The following DCC variants were observed in gnomAD, a reference collection of about 807,000 sequenced individuals.
DCC encodes the protein netrin receptor DCC.
Under a neutral mutation model 172.5 loss-of-function variants are expected in DCC, and 58 were observed. The observed-to-expected ratio is 0.34, with a 90% confidence interval of 0.27 to 0.42. The LOEUF is 0.42. Ranked by LOEUF, DCC falls within the 10% of genes least tolerant of loss-of-function variation. DCC has a pLI of 1.00. For synonymous variants in DCC, 709 were observed against 644.5 expected (o/e 1.10, Z -1.52); for missense variants, 1,740 against 1,791.0 (o/e 0.97, Z 0.51).
intron 8 of DCC, among the ~76,000 whole-genome samples, chr18:53,175,549 C>G (rs1256486431): frequency 6.7e-6 from 1 of 148,430 alleles, no homozygotes; most frequent in Non-Finnish European, 1.5e-5. Flanking sequence ...AAACAGAGAG[C>G]CAAATCATGA....
At chr18:53,352,547 G>A (rs2057824118) in intron 15 of DCC, among the ~76,000 whole-genome samples, 1 of 151,962 alleles carries the variant, frequency 6.6e-6, no homozygotes, top group Non-Finnish European at 1.5e-5. Flanking sequence ...GCTTTTGTTA[G>A]CATTATACAT....
At chr18:52,701,299 C>A (rs932208236) in intron 1 of DCC, among the ~76,000 whole-genome samples, 2 of 152,092 alleles carry the variant, frequency 1.3e-5, no homozygotes, top group Non-Finnish European at 2.9e-5. Flanking sequence ...TGAACGATAG[C>A]AATAACTTCT....
chr18:53,180,711 T>C (rs900718278), intron 9 of DCC, among the ~76,000 whole-genome samples: 1 of 152,220 alleles, frequency 6.6e-6, no homozygotes, highest in Non-Finnish European at 1.5e-5. Flanking sequence ...TTGCCCAGAC[T>C]GGAGTGCAGT....
chr18:53,317,427 C>A (rs769355413), intron 13 of DCC, among the ~76,000 whole-genome samples: 6 of 152,008 alleles, frequency 3.9e-5, no homozygotes, highest in Non-Finnish European at 8.8e-5. Context: ...TCAGGGATAT[C>A]GGCTTGAAAT....
At position 53,255,204 on chromosome 18, in the gene DCC, T is replaced by A. The variant is rs188152297; in HGVS notation, c.1911+39607T>A. On this transcript the variant is annotated intron_variant, in intron 12 of 28. Transcript: ENST00000442544. ...CACTTGTCTTGGATATGTGGGGAGG[T>A]TTTTTGTTTTTTTTTCTATTATTAT... Among the ~76,000 whole-genome samples, 264 of 151,264 alleles carry A rather than the reference T, an allele frequency of 1.7e-3. 1 individual carries two copies. Among genetic ancestry groups the A allele is most frequent in the African/African-American group, 6.2e-3 (254 of 41,192 alleles).
chr18:53,296,343 TC>T (rs1224017082), intron 12 of DCC, among the ~76,000 whole-genome samples: 1 of 152,160 alleles, frequency 6.6e-6, no homozygotes, highest in East Asian at 1.9e-4. Context: ...TTAAAGTAGT[TC>T]TGATTTACTA....
chr18:52,666,445 G>C (rs1177048570), intron 1 of DCC, among the ~76,000 whole-genome samples: 1 of 152,114 alleles, frequency 6.6e-6, no homozygotes, highest in Non-Finnish European at 1.5e-5. Flanking sequence ...ACAAATAGCA[G>C]TACTAGAATT....
intron 25 of DCC, among the ~76,000 whole-genome samples, chr18:53,479,918 T>A (rs756607273): frequency 4.6e-5 from 7 of 152,192 alleles, no homozygotes; most frequent in African/African-American, 7.2e-5. Flanking sequence ...AACTTATGAA[T>A]GACTAAGGCA....
In DCC at chr18:52,583,833, TA is replaced by T. The variant is rs553400010; in HGVS notation, c.92-168218del. On this transcript the variant is annotated intron_variant, in intron 1 of 28. Transcript: ENST00000442544. Reference sequence around the variant, plus strand: ...ATGTTTTTAATTTGACAAGGGCCTCTAAATATAACTCACTTTATATAGCAAT... The same window carrying T: ...ATGTTTTTAATTTGACAAGGGCCTCTAATATAACTCACTTTATATAGCAAT... 2.7e-3 allele frequency among the ~76,000 whole-genome samples: 412 copies of T among 152,342 alleles called. 2 individuals carry two copies. Among genetic ancestry groups the T allele is most frequent in the Non-Finnish European group, 4.5e-3 (303 of 68,014 alleles).
In DCC at chr18:53,116,064, A is replaced by G. The variant is rs200746946; in HGVS notation, c.1262-41292A>G. ...ATGGGTTGAACGATCGTGACACACAATGTTACATTTTGCTGACCTGTTACT... is the reference window on the plus strand; with the variant it reads ...ATGGGTTGAACGATCGTGACACACAGTGTTACATTTTGCTGACCTGTTACT... On this transcript the variant is annotated intron_variant, in intron 7 of 28. Transcript: ENST00000442544. Among the ~76,000 whole-genome samples the G allele has an allele frequency of 5.9e-5, 9 of 151,744 alleles. No homozygotes were observed. The East Asian group carries it at 1.6e-3, about 26-fold the overall frequency.
intron 1 of DCC, among the ~76,000 whole-genome samples, chr18:52,411,945 A>G (rs1215797762): frequency 6.6e-6 from 1 of 152,100 alleles, no homozygotes; most frequent in Non-Finnish European, 1.5e-5. Flanking sequence ...CCACGTTCAA[A>G]GTGCCTCATT....
chr18:53,494,442 G>A (rs552441435), intron 26 of DCC, among the ~76,000 whole-genome samples: 1 of 152,304 alleles, frequency 6.6e-6, no homozygotes, highest in South Asian at 2.1e-4. Context: ...TTGTGTGGGA[G>A]TCTAAATCTC....
chr18:52,500,271 G>T (rs149624344), intron 1 of DCC, among the ~76,000 whole-genome samples: 270 of 152,208 alleles, frequency 1.8e-3, no homozygotes, highest in African/African-American at 5.9e-3. Flanking sequence ...CTCAAGTCAG[G>T]GGAGCAAGGA....
chr18:53,132,257 C>T (rs1284131523), intron 7 of DCC, among the ~76,000 whole-genome samples: 2 of 151,854 alleles, frequency 1.3e-5, no homozygotes, highest in Non-Finnish European at 2.9e-5. Context: ...GGAGAATTTG[C>T]CAGTTTCTGT....
At chr18:52,636,213 A>G (rs1015564802) in intron 1 of DCC, among the ~76,000 whole-genome samples, 1 of 152,228 alleles carries the variant, frequency 6.6e-6, no homozygotes, top group African/African-American at 2.4e-5. Context: ...GTTCTGGAGC[A>G]GGCCATTCCT....
At chr18:52,499,923 A>G (rs1568200176) in intron 1 of DCC, among the ~76,000 whole-genome samples, 1 of 152,110 alleles carries the variant, frequency 6.6e-6, no homozygotes, top group Non-Finnish European at 1.5e-5. Flanking sequence ...GGAGAGACTG[A>G]ATGAATTAGG....
intron 2 of DCC, among the ~76,000 whole-genome samples, chr18:52,869,123 C>T (rs923826279): frequency 1.3e-5 from 2 of 152,244 alleles, no homozygotes; most frequent in Non-Finnish European, 2.9e-5. Flanking sequence ...GCAAATGGGT[C>T]ATATTTCAAC....
At chr18:52,555,244 G>A (rs956899421) in intron 1 of DCC, among the ~76,000 whole-genome samples, 11 of 152,198 alleles carry the variant, frequency 7.2e-5, no homozygotes, top group South Asian at 2.1e-4. Context: ...GTTGGTCAAA[G>A]AAAATTTGGA....
chr18:52,634,840 T>C (rs1192878553), intron 1 of DCC, among the ~76,000 whole-genome samples: 2 of 152,186 alleles, frequency 1.3e-5, no homozygotes, highest in African/African-American at 4.8e-5. Context: ...GAACTTTGTA[T>C]AACTCTTTCT....
Sources: gnomAD v4.1 joint callset for allele counts (sites outside exome capture counted in the v4.1 genomes callset) on GRCh38, gnomAD v4.1.1 for gene constraint, MANE v1.5 for transcripts, NCBI Gene and HGNC (gene_info 2026-07-23, HGNC 2026-07-21) for gene names.